Variants in GLIS3 observed in about 807,000 individuals in gnomAD.
GLIS3 encodes GLIS family zinc finger 3, also known as zinc finger protein GLIS3.
Under a neutral mutation model 78.6 loss-of-function variants are expected in GLIS3, and 53 were observed. That is an observed-to-expected ratio of 0.67 (90% CI 0.54 to 0.85). The LOEUF (loss-of-function observed/expected upper bound fraction) is 0.85. GLIS3 is among the 40% of genes least tolerant of loss of function. The pLI is 0.00. For synonymous variants in GLIS3, 684 were observed against 509.9 expected (o/e 1.34, Z -4.60); for missense variants, 1,703 against 1,231.1 (o/e 1.38, Z -5.74).
intron 4 of GLIS3, chr9:4,308,643 C>G (rs1002369306): frequency 2.6e-5 from 4 of 152,866 alleles, no homozygotes; most frequent in East Asian, 1.9e-4. Context: ...GCCCCACCCC[C>G]CAGAGATTCT....
At chr9:3,900,322 G>A (rs938588167) in intron 6 of GLIS3, among the ~76,000 whole-genome samples, 1 of 151,896 alleles carries the variant, frequency 6.6e-6, no homozygotes, top group African/African-American at 2.4e-5. Context: ...AGTAATGAAG[G>A]TACAGTGAGA....
chr9:4,269,306 T>A (rs1432114694), intron 2 of GLIS3, among the ~76,000 whole-genome samples: 1 of 152,188 alleles, frequency 6.6e-6, no homozygotes, highest in African/African-American at 2.4e-5. Context: ...TAATATCATA[T>A]GCACAAATCA....
chr9:4,313,184 A>G (rs901921279), intron 2 of GLIS3, among the ~76,000 whole-genome samples: 8 of 152,220 alleles, frequency 5.3e-5, no homozygotes, highest in Non-Finnish European at 1.2e-4. Context: ...CCTGGCACAT[A>G]GTAGGTGTAG....
chr9:4,425,262 G>C, the GLIS3 span, among the ~76,000 whole-genome samples: 1 of 152,208 alleles, frequency 6.6e-6, no homozygotes, highest in Non-Finnish European at 1.5e-5. Context: ...GTCACATGCA[G>C]AGAGTCTTAA....
intron 2 of GLIS3, among the ~76,000 whole-genome samples, chr9:4,184,457 G>C (rs1216738857): frequency 6.6e-6 from 1 of 152,216 alleles, no homozygotes; most frequent in Non-Finnish European, 1.5e-5. Flanking sequence ...ATTTGCTTTT[G>C]TTGGGCAAAT....
chr9:4,387,768 C>T, the GLIS3 span, among the ~76,000 whole-genome samples: 3 of 152,150 alleles, frequency 2.0e-5, no homozygotes, highest in Admixed American at 2.0e-4. Context: ...CCAAAATTGC[C>T]AGCAGCTGTA....
chr9:4,346,147 T>C (rs1044028400), intron 2 of GLIS3, among the ~76,000 whole-genome samples: 1 of 152,194 alleles, frequency 6.6e-6, no homozygotes, highest in African/African-American at 2.4e-5. Flanking sequence ...GATTATGTAC[T>C]TGCCTGTAAA....
At chr9:4,200,261 A>C (rs1819249726) in intron 2 of GLIS3, among the ~76,000 whole-genome samples, 1 of 152,204 alleles carries the variant, frequency 6.6e-6, no homozygotes, top group South Asian at 2.1e-4. Context: ...AAACAAGAAC[A>C]AACTAACTCC....
chr9:3,993,479 A>G (rs1820496166), intron 4 of GLIS3, among the ~76,000 whole-genome samples: 1 of 152,218 alleles, frequency 6.6e-6, no homozygotes, highest in Non-Finnish European at 1.5e-5. Flanking sequence ...AATATGTATA[A>G]GTATGAATGT....
At chr9:4,225,161 T>G (rs1004679973) in intron 2 of GLIS3, among the ~76,000 whole-genome samples, 2 of 152,004 alleles carry the variant, frequency 1.3e-5, no homozygotes, top group African/African-American at 4.8e-5. Context: ...ATATACAAAG[T>G]TGGTAAGTTA....
chr9:4,430,007 C>T, the GLIS3 span, among the ~76,000 whole-genome samples: 315 of 150,820 alleles, frequency 2.1e-3, no homozygotes, highest in African/African-American at 7.3e-3. Context: ...TATCAGAATC[C>T]GAAATCTGTC....
At chr9:4,160,746 C>A (rs1885238) in intron 2 of GLIS3, among the ~76,000 whole-genome samples, 1 of 152,026 alleles carries the variant, frequency 6.6e-6, no homozygotes, top group African/African-American at 2.4e-5. Context: ...TACTTTCCAA[C>A]CTATTCTATA....
intron 4 of GLIS3, among the ~76,000 whole-genome samples, chr9:3,967,309 G>A (rs1048310080): frequency 6.6e-6 from 1 of 152,126 alleles, no homozygotes; most frequent in Non-Finnish European, 1.5e-5. Flanking sequence ...TTCAAGACCA[G>A]CCTGACTAAC....
At chr9:4,344,241 C>A (rs1817873160) in intron 2 of GLIS3, among the ~76,000 whole-genome samples, 1 of 152,110 alleles carries the variant, frequency 6.6e-6, no homozygotes, top group African/African-American at 2.4e-5. Flanking sequence ...TTCCTCTCTT[C>A]CCTCCCACCC....
At chr9:3,958,711 AAATGC>A in intron 4 of GLIS3, among the ~76,000 whole-genome samples, 1 of 152,368 alleles carries the variant, frequency 6.6e-6, no homozygotes, top group Admixed American at 6.5e-5. Context: ...GTAAACAAAC[AAATGC>A]AATAGAATGA....
At chr9:3,981,797 C>G (rs1272547037) in intron 4 of GLIS3, among the ~76,000 whole-genome samples, 1 of 152,018 alleles carries the variant, frequency 6.6e-6, no homozygotes, top group Non-Finnish European at 1.5e-5. Flanking sequence ...ATAACCTTAC[C>G]AAGCAGATCC....
At chr9:4,192,860 A>G (rs1266991188) in intron 2 of GLIS3, among the ~76,000 whole-genome samples, 1 of 152,196 alleles carries the variant, frequency 6.6e-6, no homozygotes, top group African/African-American at 2.4e-5. Flanking sequence ...AAAGAGAAAA[A>G]TAAAGGTAAA....
chr9:3,860,294 A>C (rs1045703569), intron 8 of GLIS3, among the ~76,000 whole-genome samples: 2 of 138,844 alleles, frequency 1.4e-5, no homozygotes, highest in African/African-American at 5.1e-5. Flanking sequence ...AAAAAAAAAA[A>C]AAAAAAAAAC....
intron 4 of GLIS3, among the ~76,000 whole-genome samples, chr9:4,306,874 G>T (rs1817239289): frequency 6.6e-6 from 1 of 152,192 alleles, no homozygotes; most frequent in African/African-American, 2.4e-5. Flanking sequence ...AGAGTCCTTA[G>T]ATTCTAGACT....
Sources: allele counts gnomAD v4.1 joint callset (sites outside exome capture counted in the v4.1 genomes callset), GRCh38; gene constraint gnomAD v4.1.1; transcripts MANE v1.5; gene names NCBI Gene and HGNC (gene_info 2026-07-23, HGNC 2026-07-21).